The following ENPP3 variants were observed in gnomAD, a reference collection of about 807,000 sequenced individuals.
ENPP3 encodes the protein ectonucleotide pyrophosphatase/phosphodiesterase family member 3.
A neutral mutation model predicts 117.8 loss-of-function variants in ENPP3; 104 were observed. The observed-to-expected ratio is 0.88, with a 90% confidence interval of 0.75 to 1.04. The LOEUF (loss-of-function observed/expected upper bound fraction) is 1.04, where lower values mean the gene tolerates loss of function less well. ENPP3 is among the 50% of genes least tolerant of loss of function. ENPP3 has a pLI of 0.00. For missense variants in ENPP3, 1,026 were observed against 1,051.9 expected, an observed-to-expected ratio of 0.98 and a Z score of 0.34; for synonymous variants, 380 against 349.9, an observed-to-expected ratio of 1.09 and a Z score of -0.96.
At chr6:131,654,339 C>T (rs1268770547) in intron 5 of ENPP3, among the ~76,000 whole-genome samples, 1 of 151,576 alleles carries the variant, frequency 6.6e-6, no homozygotes, top group African/African-American at 2.4e-5. Context: ...CAGGGGCTCA[C>T]TATGTTGCCC....
chr6:131,677,756 G>C, intron 10 of ENPP3, 112 bp from the exon 11 acceptor site: 1 of 673,372 alleles, frequency 1.5e-6, no homozygotes, highest in East Asian at 2.7e-5. Flanking sequence ...GAGGAGGTTA[G>C]AGAGAAAGAA....
At position 131,733,721 on chromosome 6, in the gene ENPP3, C is replaced by T. The variant is rs1417143972; in HGVS notation, c.2087C>T (p.Pro696Leu). Residue 696 changes from proline to leucine, a missense_variant and splice_region_variant, in exon 21 of 25, where the codon CCT (proline) becomes CTT (leucine). Coordinates refer to ENST00000357639, the MANE Select transcript of ENPP3 (RefSeq NM_005021.5). ...KNITHGFLYP[P>L]ASNRTSDSQY... ...ATCACCCACGGCTTCCTCTATCCTC[C>T]TGGTTAGTAGAACTCTTTTTTAGAG... The T allele has an allele frequency of 9.9e-6, 16 of 1,613,768 alleles. No individual in the cohort carries two copies. Among genetic ancestry groups the T allele is most frequent in the Admixed American group, 1.7e-5 (1 of 59,984 alleles).
chr6:131,689,766 T>C (rs1297717274), intron 14 of ENPP3, among the ~76,000 whole-genome samples: 1 of 152,220 alleles, frequency 6.6e-6, no homozygotes. Context: ...CAAAGTATTA[T>C]AAAGTGAAAA....
intron 15 of ENPP3, among the ~76,000 whole-genome samples, chr6:131,713,101 C>T (rs995747372): frequency 1.5e-5 from 2 of 131,268 alleles, no homozygotes; most frequent in Non-Finnish European, 3.0e-5. Context: ...GAATAAGTCT[C>T]ATGAGATCTG....
intron 11 of ENPP3, among the ~76,000 whole-genome samples, chr6:131,678,784 C>T (rs1778926888): frequency 6.6e-6 from 1 of 152,174 alleles, no homozygotes; most frequent in South Asian, 2.1e-4. Context: ...AAGCCTTGGG[C>T]CTCTGTTGTA....
chr6:131,650,550 T>C (rs2114311188), intron 3 of ENPP3, among the ~76,000 whole-genome samples: 1 of 152,202 alleles, frequency 6.6e-6, no homozygotes, highest in African/African-American at 2.4e-5. Flanking sequence ...CTACATACCT[T>C]GTGTATTAGT....
rs549263292 is a variant in ENPP3, at chr6:131,677,938, A to G, written c.1009A>G (p.Arg337Gly). Residue 337 changes from arginine (R) to glycine (G), a missense_variant and splice_region_variant, in exon 11 of 25, where the codon AGA (arginine) becomes GGA (glycine). Physicochemically the swap from Arg to Gly is moderately radical, Grantham distance 125. Coordinates refer to ENST00000357639, the MANE Select transcript of ENPP3 (RefSeq NM_005021.5). Reference sequence around the variant, plus strand: ...ACATGCAGGTGGACCAGTCAGTGCCAGAGTAAGTTGTTGTTTTCTTAAAAG... The same window carrying G: ...ACATGCAGGTGGACCAGTCAGTGCCGGAGTAAGTTGTTGTTTTCTTAAAAG... ...SGHAGGPVSA[R>G]VIKALQVVDH... 8.1e-6 allele frequency: 13 copies of G among 1,596,888 alleles called. No homozygotes were observed. In the South Asian group the frequency reaches 1.3e-4, roughly 16 times the overall value.
chr6:131,669,778 G>T (rs1394551738), intron 6 of ENPP3, among the ~76,000 whole-genome samples: 3 of 151,742 alleles, frequency 2.0e-5, no homozygotes, highest in African/African-American at 7.3e-5. Flanking sequence ...TTGATATGGG[G>T]CCCTAGAAGT....
At chr6:131,678,961 C>CTTT (rs1562446603) in intron 11 of ENPP3, among the ~76,000 whole-genome samples, 2,802 of 89,828 alleles carry the variant, frequency 0.031, 23 homozygotes, top group African/African-American at 0.067. Context: ...TTCTTTCTTT[C>CTTT]CTTCCTTCCT....
At chr6:131,679,895 G>A (rs896652142) in intron 11 of ENPP3, among the ~76,000 whole-genome samples, 7 of 152,158 alleles carry the variant, frequency 4.6e-5, no homozygotes, top group Admixed American at 4.6e-4. Context: ...CAAGCTATGA[G>A]AATTATCTCC....
chr6:131,670,384 G>T (rs1313880153), intron 6 of ENPP3, among the ~76,000 whole-genome samples: 1 of 152,142 alleles, frequency 6.6e-6, no homozygotes, highest in African/African-American at 2.4e-5. Context: ...TTAGCTCAGG[G>T]GTCAACAGGC....
At chr6:131,696,366 A>G (rs1562458256) in intron 15 of ENPP3, among the ~76,000 whole-genome samples, 1 of 152,258 alleles carries the variant, frequency 6.6e-6, no homozygotes, top group Non-Finnish European at 1.5e-5. Context: ...CTATTGCACT[A>G]GAACCACGTA....
rs147463063 is a variant in ENPP3, at chr6:131,685,489, T to C, written c.1246T>C (p.Phe416Leu). 113 of 1,613,508 alleles carry C rather than the reference T, an allele frequency of 7.0e-5. No homozygotes were observed. The highest frequency in any genetic ancestry group is 9.3e-5 in the Non-Finnish European group (110 of 1,179,858). ...IRAHNIPHDF[F>L]SFNSEEIVRN... ...AGCTCATAATATACCTCATGACTTT[T>C]TTAGTTGTAAGTATGAAGACACCTA... Residue 416 changes from phenylalanine to leucine, a missense_variant, in exon 13 of 25, where the codon TTT becomes CTT. By Grantham distance (22) the Phe-to-Leu change is conservative. Transcript: ENST00000357639.
At position 131,652,627 on chromosome 6, in the gene ENPP3, G is replaced by A. The variant is rs1562429271; in HGVS notation, c.363G>A (p.Gln121=). ...SLCSCSDDCL[Q]RKDCCADYKS... is the part of the protein sequence containing the mutation. ...GCTCTTGTTCAGATGACTGTTTGCA[G>A]AGGAAAGATTGCTGTGCTGACTATA... Residue 121 remains glutamine, a synonymous_variant, in exon 4 of 25, where the codon CAG becomes CAA. Coordinates refer to ENST00000357639, the MANE Select transcript of ENPP3 (RefSeq NM_005021.5). 6.2e-7 allele frequency: 1 copy of A among 1,613,992 alleles called. No individual in the cohort carries two copies. Among genetic ancestry groups the A allele is most frequent in the Non-Finnish European group, 8.5e-7 (1 of 1,179,976 alleles).
At chr6:131,737,906 C>T in intron 22 of ENPP3, 125 bp from the exon 23 acceptor site, 2 of 629,306 alleles carry the variant, frequency 3.2e-6, no homozygotes, top group South Asian at 2.7e-5. Flanking sequence ...GGAGAATTAC[C>T]CAATCATCAC....
At chr6:131,707,769 T>C (rs78437631) in intron 15 of ENPP3, among the ~76,000 whole-genome samples, 50 of 110,378 alleles carry the variant, frequency 4.5e-4, no homozygotes, top group East Asian at 2.6e-3. Context: ...CTGGTTTTCA[T>C]CTGCTCTGGA....
rs543524799 is a variant in ENPP3, at chr6:131,652,532, C to T, written c.278-10C>T. On this transcript the variant is annotated splice_polypyrimidine_tract_variant and intron_variant, in intron 3 of 24. Coordinates refer to ENST00000357639, the MANE Select transcript of ENPP3 (RefSeq NM_005021.5). The stretch of plus-strand genomic sequence containing the variant: ...TTAAATGCTCAGAACTGAATTGTAT[C>T]GTTTTACAGCTCGAATATGGATGTG... 5.1e-5 allele frequency: 83 copies of T among 1,613,588 alleles called. No individual in the cohort carries two copies. The highest frequency in any genetic ancestry group is 3.3e-4 in the Middle Eastern group (2 of 6,056).
chr6:131,720,603 A>G (rs1417681077), intron 17 of ENPP3, among the ~76,000 whole-genome samples: 1 of 152,130 alleles, frequency 6.6e-6, no homozygotes, highest in East Asian at 1.9e-4. Context: ...CATTTTTGAG[A>G]TGGAGTCTTG....
intron 2 of ENPP3, among the ~76,000 whole-genome samples, chr6:131,646,710 C>T (rs1342211878): frequency 6.7e-6 from 1 of 150,280 alleles, no homozygotes; most frequent in Non-Finnish European, 1.5e-5. Context: ...CACCCTGGGA[C>T]CTCCCTTCTA....
Sources: allele counts gnomAD v4.1 joint callset (sites outside exome capture counted in the v4.1 genomes callset), GRCh38; gene constraint gnomAD v4.1.1; transcripts MANE v1.5; gene names NCBI Gene and HGNC (gene_info 2026-07-23, HGNC 2026-07-21).